The following IAH1 variants were observed in gnomAD, a reference collection of about 807,000 sequenced individuals.
IAH1 encodes isoamyl acetate-hydrolyzing esterase 1 homolog.
In IAH1, 24 loss-of-function variants were observed where a neutral mutation model predicts 26.7. The observed-to-expected ratio is 0.90, with a 90% CI of 0.65 to 1.26. The LOEUF (loss-of-function observed/expected upper bound fraction) is 1.26. Ranked by LOEUF, IAH1 falls within the 50% of genes most tolerant of loss-of-function variation. IAH1 has a pLI of 0.00. For synonymous variants in IAH1, 140 were observed against 118.5 expected, an observed-to-expected ratio of 1.18 and a Z score of -1.18; for missense variants, 300 against 299.9, an observed-to-expected ratio of 1.00 and a Z score of 0.00.
intron 2 of IAH1, among the ~76,000 whole-genome samples, chr2:9,476,740 C>T (rs578054409): frequency 1.3e-5 from 2 of 152,154 alleles, no homozygotes; most frequent in South Asian, 2.1e-4. Flanking sequence ...GCCACAAGGT[C>T]GATTGATTAG....
At chr2:9,479,640 T>C (rs1481118615) in intron 3 of IAH1, among the ~76,000 whole-genome samples, 2 of 152,126 alleles carry the variant, frequency 1.3e-5, no homozygotes, top group South Asian at 2.1e-4. Context: ...TGAAATAAGA[T>C]TGGAACTCTT....
intron 3 of IAH1, among the ~76,000 whole-genome samples, chr2:9,480,133 G>T (rs572790670): frequency 1.9e-4 from 29 of 152,104 alleles, no homozygotes; most frequent in Non-Finnish European, 3.2e-4. Context: ...ATATATAACA[G>T]TAGATTACAA....
At chr2:9,508,417 A>C in the IAH1 span, among the ~76,000 whole-genome samples, 24 of 152,302 alleles carry the variant, frequency 1.6e-4, no homozygotes, top group East Asian at 4.6e-3. Context: ...TTGGCTTATT[A>C]ACAACTTTAT....
chr2:9,475,015 G>T, intron 1 of IAH1: 1 of 1,102,094 alleles, frequency 9.1e-7, no homozygotes, highest in Non-Finnish European at 1.1e-6. Context: ...GCGGGCGACC[G>T]CGCGCTGTGT....
At chr2:9,493,565 C>T (rs1345813301), downstream of IAH1, among the ~76,000 whole-genome samples, 2 of 152,158 alleles carry the variant, frequency 1.3e-5, no homozygotes, top group Non-Finnish European at 1.5e-5. Context: ...CCAAGCTCCA[C>T]GGGGACAGAC....
At chr2:9,498,785 T>C (rs1203671197), downstream of IAH1, among the ~76,000 whole-genome samples, 3 of 152,250 alleles carry the variant, frequency 2.0e-5, no homozygotes, top group Non-Finnish European at 4.4e-5. Flanking sequence ...ATTGTATTTT[T>C]GGTATATGAT....
chr2:9,475,075 C>G (rs750387937), intron 1 of IAH1: 28 of 1,225,748 alleles, frequency 2.3e-5, no homozygotes, highest in Non-Finnish European at 2.8e-5. Context: ...GGAGCTCTCT[C>G]GCCCCATTCC....
chr2:9,489,869 T>C (rs953239993), downstream of IAH1: 3 of 247,986 alleles, frequency 1.2e-5, no homozygotes, highest in Non-Finnish European at 2.4e-5. Context: ...AAAAGATTAA[T>C]TTACAAAAAC....
the IAH1 span, among the ~76,000 whole-genome samples, chr2:9,511,855 C>T: frequency 6.6e-6 from 1 of 151,942 alleles, no homozygotes; most frequent in East Asian, 1.9e-4. Context: ...CCTGTAATCG[C>T]AGCTATTTGG....
downstream of IAH1, chr2:9,492,826 C>A: frequency 7.5e-7 from 1 of 1,334,954 alleles, no homozygotes; most frequent in Non-Finnish European, 1.0e-6. Context: ...TTTACCTTTT[C>A]CAGAGATTAC....
In IAH1 at chr2:9,488,143, C is replaced by T; in HGVS notation, c.565-4C>T. ...CACCTTTAACCGATTTCTCTCCCTTCTAGGACTTCTCATCTTATTTATCAG... is the reference window on the plus strand; with the variant it reads ...CACCTTTAACCGATTTCTCTCCCTTTTAGGACTTCTCATCTTATTTATCAG... On this transcript the variant is annotated splice_region_variant and splice_polypyrimidine_tract_variant and intron_variant, in intron 5 of 5. Transcript: ENST00000497473. 1.3e-6 allele frequency: 2 copies of T among 1,597,456 alleles called. No individual in the cohort carries two copies. The highest frequency in any genetic ancestry group is 1.1e-5 in the South Asian group (1 of 88,088).
At chr2:9,491,191 A>G (rs770956800), downstream of IAH1, 19 of 1,577,336 alleles carry the variant, frequency 1.2e-5, no homozygotes, top group Admixed American at 1.0e-4. Context: ...CTACAAATAC[A>G]ATTCAGTTAG....
At chr2:9,495,175 C>T (rs974964254) in intron 6 of IAH1, among the ~76,000 whole-genome samples, 9 of 152,320 alleles carry the variant, frequency 5.9e-5, no homozygotes, top group African/African-American at 1.4e-4. Flanking sequence ...TCCCTGAAAG[C>T]GAGAGCAGCT....
the IAH1 span, among the ~76,000 whole-genome samples, chr2:9,509,722 T>G: frequency 6.6e-6 from 1 of 152,136 alleles, no homozygotes; most frequent in Admixed American, 6.5e-5. Flanking sequence ...AAAAAAGCCA[T>G]TATTATTAGT....
chr2:9,492,874 A>G, downstream of IAH1: 1 of 1,571,540 alleles, frequency 6.4e-7, no homozygotes, highest in South Asian at 1.2e-5. Context: ...AAAACATTTA[A>G]TTACTTAAAA....
intron 5 of IAH1, 76 bp from the exon 6 acceptor site, chr2:9,488,071 A>G (rs1661720699): frequency 3.0e-6 from 3 of 998,014 alleles, no homozygotes; most frequent in Non-Finnish European, 1.4e-6. Context: ...CCTCGGCCCC[A>G]AAGTGTTGGA....
At chr2:9,493,616 C>T, downstream of IAH1, 1 of 722,134 alleles carries the variant, frequency 1.4e-6, no homozygotes, top group East Asian at 2.9e-5. Context: ...AAAGTTGTTT[C>T]ATAACTAAAG....
chr2:9,490,368 T>A (rs1558489720), downstream of IAH1: 6 of 1,614,164 alleles, frequency 3.7e-6, no homozygotes, highest in Middle Eastern at 3.3e-4. Context: ...TCTTCCTGGA[T>A]GGTGTCCATT....
intron 4 of IAH1, among the ~76,000 whole-genome samples, chr2:9,482,236 C>T (rs1326200366): frequency 6.6e-6 from 1 of 152,064 alleles, no homozygotes; most frequent in Non-Finnish European, 1.5e-5. Flanking sequence ...CCATGTTGGC[C>T]AGGCTGGTCT....
Sources: allele counts gnomAD v4.1 joint callset (sites outside exome capture counted in the v4.1 genomes callset), GRCh38; gene constraint gnomAD v4.1.1; transcripts MANE v1.5; gene names NCBI Gene and HGNC (gene_info 2026-07-23, HGNC 2026-07-21).